Variants in CHMP3 observed in about 807,000 individuals in gnomAD.
CHMP3 encodes the protein 25.1 protein.
CHMP3 carries 8 observed loss-of-function variants against 27.4 expected under a neutral mutation model. That is an observed-to-expected ratio of 0.29 (90% CI 0.17 to 0.53). CHMP3 has a LOEUF of 0.53. Ranked by LOEUF, CHMP3 falls within the 20% of genes least tolerant of loss-of-function variation. CHMP3 has a pLI of 0.96. For missense variants in CHMP3, 208 were observed against 271.5 expected (o/e 0.77, Z 1.64); for synonymous variants, 86 against 85.5 (o/e 1.01, Z -0.03).
At chr2:86,542,446 T>A in intron 1 of CHMP3, 134 bp from the exon 2 acceptor site, 1 of 841,686 alleles carries the variant, frequency 1.2e-6, no homozygotes, top group Non-Finnish European at 1.9e-6. Flanking sequence ...GACAGAGCTT[T>A]AGGGTCAAAT....
intron 3 of CHMP3, 152 bp from the exon 4 acceptor site, chr2:86,510,631 C>A: frequency 1.8e-6 from 2 of 1,100,024 alleles, no homozygotes; most frequent in Non-Finnish European, 2.5e-6. Context: ...GCTAGTTGAC[C>A]AAGAGATTGA....
intron 2 of CHMP3, among the ~76,000 whole-genome samples, chr2:86,536,244 C>T (rs78978993): frequency 0.042 from 6,361 of 151,912 alleles, 248 homozygotes; most frequent in East Asian, 0.14. Flanking sequence ...GTGATCCGCC[C>T]GCCTCGGCCT....
At chr2:86,546,234 C>T (rs1169552881) in intron 1 of CHMP3, among the ~76,000 whole-genome samples, 2 of 151,858 alleles carry the variant, frequency 1.3e-5, no homozygotes, top group Non-Finnish European at 2.9e-5. Context: ...TGTGGCGGTG[C>T]GTGCCTGCAA....
chr2:86,550,603 G>A (rs1346121865), intron 1 of CHMP3, among the ~76,000 whole-genome samples: 9 of 152,054 alleles, frequency 5.9e-5, no homozygotes, highest in Admixed American at 1.3e-4. Context: ...AGATATATTC[G>A]TAATCATATA....
At chr2:86,510,283 C>CAAACCAA in intron 4 of CHMP3, 75 bp downstream of exon 4, 2 of 1,281,112 alleles carry the variant, frequency 1.6e-6, no homozygotes, top group Non-Finnish European at 1.1e-6. Flanking sequence ...CACCCACCCT[C>CAAACCAA]ATCCCTAGCC....
rs372220274 is a variant in CHMP3 at position 86,536,088 on chromosome 2, C to T, written c.106+6164G>A. On this transcript the variant is annotated intron_variant, in intron 2 of 5. Coordinates refer to ENST00000263856, the MANE Select transcript of CHMP3 (RefSeq NM_016079.4). ...TCGGCTCACTGCAAGCTCCGCCTCC[C>T]GGGTTCACGCCATTCTCCTGCCTCA... Among the ~76,000 whole-genome samples the T allele has an allele frequency of 1.4e-3, 208 of 147,900 alleles. 1 individual carries two copies. Among genetic ancestry groups the T allele is most frequent in the African/African-American group, 4.5e-3 (181 of 40,394 alleles).
chr2:86,553,043 G>T (rs1676972362), intron 1 of CHMP3, among the ~76,000 whole-genome samples: 1 of 127,274 alleles, frequency 7.9e-6, no homozygotes, highest in Non-Finnish European at 1.7e-5. Context: ...CTTGATGGGG[G>T]ATGGTGGGGG....
intron 3 of CHMP3, among the ~76,000 whole-genome samples, chr2:86,523,456 A>G (rs2103925610): frequency 6.6e-6 from 1 of 152,162 alleles, no homozygotes; most frequent in Non-Finnish European, 1.5e-5. Context: ...ATCATCTGCA[A>G]TTTACCCCAT....
intron 1 of CHMP3, among the ~76,000 whole-genome samples, chr2:86,546,459 C>T (rs1260932082): frequency 2.6e-4 from 37 of 144,792 alleles, no homozygotes; most frequent in Admixed American, 2.1e-3. Context: ...TTTTTTGAGA[C>T]GGACTTTCGC....
intron 3 of CHMP3, among the ~76,000 whole-genome samples, chr2:86,523,719 TA>T (rs1255794389): frequency 1.3e-5 from 2 of 152,050 alleles, no homozygotes; most frequent in Non-Finnish European, 2.9e-5. Context: ...CCTCTTTCTT[TA>T]AAAAGAGAAG....
intron 3 of CHMP3, among the ~76,000 whole-genome samples, chr2:86,525,549 ACT>A (rs1675671028): frequency 6.6e-6 from 1 of 151,750 alleles, no homozygotes; most frequent in Admixed American, 6.6e-5. Flanking sequence ...AAAAAAAAAA[ACT>A]ACTTAAAATC....
chr2:86,548,157 T>C (rs1345072297), intron 1 of CHMP3, among the ~76,000 whole-genome samples: 1 of 151,762 alleles, frequency 6.6e-6, no homozygotes, highest in Non-Finnish European at 1.5e-5. Context: ...CATTTATGAT[T>C]TCAGGTTAGA....
At chr2:86,534,708 TATA>T (rs1676057706) in intron 2 of CHMP3, among the ~76,000 whole-genome samples, 1 of 152,306 alleles carries the variant, frequency 6.6e-6, no homozygotes. Flanking sequence ...TTAATTAATA[TATA>T]ATGTCCTTTG....
chr2:86,521,244 T>C (rs1675513103), intron 3 of CHMP3, among the ~76,000 whole-genome samples: 1 of 152,190 alleles, frequency 6.6e-6, no homozygotes, highest in South Asian at 2.1e-4. Context: ...AACAGCTTTA[T>C]TGCTCATACA....
intron 3 of CHMP3, among the ~76,000 whole-genome samples, chr2:86,528,011 G>C (rs1675781621): frequency 6.6e-6 from 1 of 152,008 alleles, no homozygotes; most frequent in African/African-American, 2.4e-5. Context: ...ATTTTTTAAA[G>C]GATGATGTGG....
At chr2:86,538,862 TTAAGTA>T (rs528608921) in intron 2 of CHMP3, among the ~76,000 whole-genome samples, 115 of 152,326 alleles carry the variant, frequency 7.5e-4, no homozygotes, top group Non-Finnish European at 1.1e-3. Flanking sequence ...AACTTGTTAT[TTAAGTA>T]TAACATATAT....
At chr2:86,555,517 A>T (rs78334721) in intron 1 of CHMP3, among the ~76,000 whole-genome samples, 55,546 of 148,684 alleles carry the variant, frequency 0.37, 12,113 homozygotes, top group East Asian at 0.67. Context: ...AAAAATAAAT[A>T]AATAAATAAT....
chr2:86,552,216 G>A (rs553327135), intron 1 of CHMP3, among the ~76,000 whole-genome samples: 2 of 152,206 alleles, frequency 1.3e-5, no homozygotes, highest in Non-Finnish European at 1.5e-5. Flanking sequence ...AGTCCAAAAC[G>A]GTGCTTCTGA....
intron 1 of CHMP3, among the ~76,000 whole-genome samples, chr2:86,557,237 T>G (rs1256345030): frequency 6.6e-6 from 1 of 152,198 alleles, no homozygotes; most frequent in East Asian, 1.9e-4. Context: ...ATGAACAGGT[T>G]TGACTGGGGT....
Sources: allele counts gnomAD v4.1 joint callset (sites outside exome capture counted in the v4.1 genomes callset), GRCh38; gene constraint gnomAD v4.1.1; transcripts MANE v1.5; gene names NCBI Gene and HGNC (gene_info 2026-07-23, HGNC 2026-07-21).